Variants in CACNA1C observed in about 807,000 individuals in gnomAD.
CACNA1C encodes voltage-dependent L-type calcium channel subunit alpha-1C.
Under a neutral mutation model 229.0 loss-of-function variants are expected in CACNA1C, and 30 were observed. The observed-to-expected ratio is 0.13, with a 90% CI of 0.10 to 0.18. CACNA1C has a LOEUF of 0.18. Ranked by LOEUF, CACNA1C falls within the 10% of genes least tolerant of loss-of-function variation. CACNA1C has a pLI of 1.00. For missense variants in CACNA1C, 1,658 were observed against 2,845.0 expected, an observed-to-expected ratio of 0.58 and a Z score of 9.49; for synonymous variants, 1,114 against 1,132.5, an observed-to-expected ratio of 0.98 and a Z score of 0.33.
intron 3 of CACNA1C, among the ~76,000 whole-genome samples, chr12:2,406,052 C>T (rs1011725995): frequency 1.3e-5 from 2 of 152,206 alleles, no homozygotes; most frequent in African/African-American, 4.8e-5. Flanking sequence ...TTGACACTTT[C>T]CTTCATTAGG....
intron 38 of CACNA1C, among the ~76,000 whole-genome samples, chr12:2,674,145 C>G (rs1212804028): frequency 6.6e-6 from 1 of 152,272 alleles, no homozygotes; most frequent in Admixed American, 6.5e-5. Flanking sequence ...ACCAGCCCCC[C>G]ACTGCCCGTG....
intron 1 of CACNA1C, among the ~76,000 whole-genome samples, chr12:2,017,544 G>T (rs1050091259): frequency 6.6e-6 from 1 of 152,114 alleles, no homozygotes; most frequent in Non-Finnish European, 1.5e-5. Flanking sequence ...TTTTTCACAG[G>T]GAGTGAGGGG....
Position 2,285,652 on chromosome 12 carries a change from C to T in CACNA1C, c.478-163324C>T, listed in dbSNP as rs115509353. Among the ~76,000 whole-genome samples, 1,591 of 152,276 alleles carry T rather than the reference C, an allele frequency of 0.01. 27 individuals carry two copies. The highest frequency in any genetic ancestry group is 0.036 in the African/African-American group (1,482 of 41,556). Reference sequence around the variant, plus strand: ...CAGAGTGATGGACGAGACTTACTTTCGACGTTCCTAGGCTCCCTTCCACCG... The same window carrying T: ...CAGAGTGATGGACGAGACTTACTTTTGACGTTCCTAGGCTCCCTTCCACCG... On this transcript the variant is annotated intron_variant, in intron 3 of 46. Transcript: ENST00000399655. The surrounding 1 kb of genome is among the most constrained non-coding windows in gnomAD (Gnocchi z 4.2).
chr12:2,460,502 A>G (rs1376087711), intron 5 of CACNA1C, among the ~76,000 whole-genome samples: 2 of 152,240 alleles, frequency 1.3e-5, no homozygotes, highest in South Asian at 4.1e-4. Flanking sequence ...ACAGTGCATT[A>G]AAAGGAAGAA....
rs71951718 is a variant in CACNA1C, at chr12:2,682,879, CCA to C, written c.5573+214_5573+215del. The stretch of plus-strand genomic sequence containing the variant: ...CACAACACACACAAACACACACACA[CCA>C]CACACACACACAGACACACACAACA... On this transcript the variant is annotated intron_variant, in intron 43 of 46. Transcript: ENST00000399655. 0.78 allele frequency among the ~76,000 whole-genome samples: 26,329 copies of C among 33,872 alleles called. 9,694 individuals are homozygous for C. Among genetic ancestry groups the C allele is most frequent in the Non-Finnish European group, 0.83 (18,362 of 22,018 alleles). The allele number at this position is 33,872 out of a possible 152,430, so 22.2% of individuals were successfully genotyped here.
chr12:2,374,836 C>T (rs1429682625), intron 3 of CACNA1C, among the ~76,000 whole-genome samples: 2 of 152,156 alleles, frequency 1.3e-5, no homozygotes, highest in Non-Finnish European at 2.9e-5. Context: ...AACAATGAGG[C>T]AGAAGCGCGT....
At position 2,029,892 on chromosome 12, in the gene CACNA1C, G is replaced by T. The variant is rs923614892; in HGVS notation, c.139+58691G>T. Among the ~76,000 whole-genome samples, 3 of 152,202 alleles carry T rather than the reference G, an allele frequency of 2.0e-5. No homozygotes were observed. The highest frequency in any genetic ancestry group is 4.4e-5 in the Non-Finnish European group (3 of 68,046). On this transcript the variant is annotated intron_variant, in intron 1 of 46. Transcript: ENST00000682462. This position sits in a 1 kb window ranked among gnomAD's most constrained non-coding sequence, Gnocchi z 4.9. Reference sequence around the variant, plus strand: ...TGCCTGTCACTGCTCTTGTGCCCAGGTGTTTGTGAGGGCATGAAGAAGGAA... The same window carrying T: ...TGCCTGTCACTGCTCTTGTGCCCAGTTGTTTGTGAGGGCATGAAGAAGGAA...
intron 1 of CACNA1C, among the ~76,000 whole-genome samples, chr12:2,028,710 T>C (rs2047731667): frequency 6.6e-6 from 1 of 152,326 alleles, no homozygotes; most frequent in South Asian, 2.1e-4. Context: ...TCCTGTATGA[T>C]GCAGGGAATA....
chr12:2,136,505 G>A (rs1462785969), intron 3 of CACNA1C, among the ~76,000 whole-genome samples: 1 of 151,368 alleles, frequency 6.6e-6, no homozygotes, highest in African/African-American at 2.4e-5. Flanking sequence ...ATAAATGGGA[G>A]GGGTATTTTG....
chr12:2,176,076 AG>A (rs1344856558), intron 3 of CACNA1C, among the ~76,000 whole-genome samples: 1 of 152,160 alleles, frequency 6.6e-6, no homozygotes, highest in Non-Finnish European at 1.5e-5. Flanking sequence ...TATGGAGGAA[AG>A]CAAAGCAGGA....
At chr12:2,562,798 C>A (rs1411348990) in intron 11 of CACNA1C, among the ~76,000 whole-genome samples, 1 of 152,178 alleles carries the variant, frequency 6.6e-6, no homozygotes, top group Non-Finnish European at 1.5e-5. Flanking sequence ...TGTTTTGATC[C>A]AGGTGTACAA....
chr12:2,265,948 C>G (rs1601414576), intron 3 of CACNA1C, among the ~76,000 whole-genome samples: 1 of 152,362 alleles, frequency 6.6e-6, no homozygotes, highest in Non-Finnish European at 1.5e-5. Flanking sequence ...CCCCTGCGCT[C>G]CACGCTCCTA....
At chr12:2,242,582 G>A (rs1303578051) in intron 3 of CACNA1C, among the ~76,000 whole-genome samples, 2 of 152,210 alleles carry the variant, frequency 1.3e-5, no homozygotes, top group Non-Finnish European at 2.9e-5. Context: ...AACTATGTCA[G>A]TGGCCTGTTG....
In CACNA1C at chr12:2,665,723, G is replaced by A; in HGVS notation, c.4526+15G>A. 6.2e-7 allele frequency: 1 copy of A among 1,608,314 alleles called. No homozygotes were observed. Among genetic ancestry groups the A allele is most frequent in the South Asian group, 1.1e-5 (1 of 90,210 alleles). ...CCTGAAGCCAAGTAAGTTCCCAGAG[G>A]GAAATCCTGATTCCCCAAGCTGAGA... On this transcript the variant is annotated intron_variant, in intron 36 of 46. Transcript: ENST00000399655. The surrounding 1 kb of genome is among the most constrained non-coding windows in gnomAD (Gnocchi z 5.9).
intron 3 of CACNA1C, among the ~76,000 whole-genome samples, chr12:2,256,311 T>A (rs148151257): frequency 6.6e-6 from 1 of 152,352 alleles, no homozygotes; most frequent in African/African-American, 2.4e-5. Context: ...ATCAGTCACC[T>A]TGGGCACATT....
intron 1 of CACNA1C, among the ~76,000 whole-genome samples, chr12:2,003,311 G>A (rs1392577691): frequency 3.9e-5 from 6 of 152,140 alleles, no homozygotes; most frequent in Admixed American, 2.6e-4. Context: ...TTATACAACC[G>A]ACTTGAAGAA....
At chr12:2,240,935 C>T (rs1019880031) in intron 3 of CACNA1C, among the ~76,000 whole-genome samples, 13 of 152,058 alleles carry the variant, frequency 8.5e-5, no homozygotes, top group African/African-American at 1.9e-4. Context: ...GGTGGGATCT[C>T]GCCAGGGATT....
At chr12:2,529,313 A>G (rs1452149293) in intron 9 of CACNA1C, among the ~76,000 whole-genome samples, 2 of 152,166 alleles carry the variant, frequency 1.3e-5, no homozygotes, top group Non-Finnish European at 2.9e-5. Context: ...CCACAGCTGC[A>G]TCATAGTACT....
rs541273584 is a variant in CACNA1C at position 2,389,700 on chromosome 12, T to G, written c.478-59276T>G. On this transcript the variant is annotated intron_variant, in intron 3 of 46. Coordinates refer to ENST00000399655, the MANE Select transcript of CACNA1C (RefSeq NM_000719.7). ...TTGTCTACACTTGGGGCCTCCATTT[T>G]TCTCTTCCTTGGCAGAATTTTAGAA... is the stretch of plus-strand genomic sequence containing the variant. 8.5e-5 allele frequency among the ~76,000 whole-genome samples: 13 copies of G among 152,284 alleles called. No homozygotes were observed. The East Asian group carries it at 2.3e-3, about 27-fold the overall frequency.
Sources: gnomAD v4.1 joint callset for allele counts (sites outside exome capture counted in the v4.1 genomes callset) on GRCh38, gnomAD v4.1.1 for gene constraint, Gnocchi (gnomAD v3.1) non-coding constraint, MANE v1.5 for transcripts, NCBI Gene and HGNC (gene_info 2026-07-23, HGNC 2026-07-21) for gene names.